Variants in MAEA observed in about 807,000 individuals in gnomAD.
MAEA encodes the protein E3 ubiquitin-protein transferase MAEA.
A neutral mutation model predicts 46.2 loss-of-function variants in MAEA; 22 were observed. The observed-to-expected ratio is 0.48, with a 90% confidence interval of 0.34 to 0.68. The LOEUF is 0.68. MAEA is among the 30% of genes least tolerant of loss of function. The probability of loss-of-function intolerance (pLI) is 0.01; values close to 1 mark genes in which losing one functional copy is unlikely to be tolerated. For missense variants in MAEA, 393 were observed against 558.1 expected, an observed-to-expected ratio of 0.70 and a Z score of 2.98; for synonymous variants, 246 against 222.6, an observed-to-expected ratio of 1.11 and a Z score of -0.94.
chr4:1,311,867 T>G lies in MAEA; in HGVS notation c.70-112T>G. 9.7e-6 allele frequency: 9 copies of G among 926,242 alleles called. No individual in the cohort carries two copies. Among genetic ancestry groups the G allele is most frequent in the Non-Finnish European group, 1.5e-5 (9 of 606,728 alleles). 57.4% of individuals were successfully genotyped at this position (926,242 alleles called of 1,614,324 possible). On this transcript the variant is annotated intron_variant, in intron 1 of 8. Coordinates refer to ENST00000303400, the MANE Select transcript of MAEA (RefSeq NM_001017405.3). The surrounding 1 kb of genome is among the most constrained non-coding windows in gnomAD (Gnocchi z 4.4). ...GATACTTTTGAGACCATGAACCTTC[T>G]GAGACTTCTGCCTCTACAAGTGCCA...
chr4:1,311,617 C>A lies in MAEA; in HGVS notation c.70-362C>A, dbSNP rs569709090. Among the ~76,000 whole-genome samples, 2 of 152,186 alleles carry A rather than the reference C, an allele frequency of 1.3e-5. No homozygotes were observed. The highest frequency in any genetic ancestry group is 2.1e-4 in the South Asian group (1 of 4,834). ...CAGCCGCAGCAGCCTGGCTGATCAC[C>A]GGCCAGGCCTGTGTTTTACCGTCTG... On this transcript the variant is annotated intron_variant, in intron 1 of 8. Transcript: ENST00000303400. This position sits in a 1 kb window ranked among gnomAD's most constrained non-coding sequence, Gnocchi z 4.4.
At chr4:1,292,490 C>T (rs1476574942) in intron 1 of MAEA, among the ~76,000 whole-genome samples, 3 of 152,144 alleles carry the variant, frequency 2.0e-5, no homozygotes, top group Non-Finnish European at 4.4e-5. Context: ...GCACCTCTGT[C>T]GTCATGAGCT....
intron 1 of MAEA, among the ~76,000 whole-genome samples, chr4:1,306,662 T>TA (rs1321356034): frequency 1.3e-5 from 2 of 152,246 alleles, no homozygotes; most frequent in African/African-American, 4.8e-5. Context: ...TTAACTTTCT[T>TA]ACATTGTTTT....
At position 1,309,844 on chromosome 4, in the gene MAEA, C is replaced by T. The variant is rs558556468; in HGVS notation, c.70-2135C>T. On this transcript the variant is annotated intron_variant, in intron 1 of 8. Transcript: ENST00000303400. Reference sequence around the variant, plus strand: ...CACACCAGCTGCCCGGAGCTCTGCCCTGTGCCTGAGCAGCGTCAGCACCGC... The same window carrying T: ...CACACCAGCTGCCCGGAGCTCTGCCTTGTGCCTGAGCAGCGTCAGCACCGC... The T allele has an allele frequency of 5.6e-5, 75 of 1,331,296 alleles. 1 individual carries two copies. The East Asian group carries it at 1.3e-3, about 24-fold the overall frequency. 82.5% of individuals were successfully genotyped at this position (1,331,296 alleles called of 1,614,324 possible).
intron 4 of MAEA, among the ~76,000 whole-genome samples, chr4:1,322,907 A>T (rs28712208): frequency 0.23 from 33,717 of 146,056 alleles, 4,727 homozygotes; most frequent in East Asian, 0.46. Context: ...GCGAGGCTGC[A>T]GAGCTCTGGG....
At chr4:1,316,338 A>G (rs927554709) in intron 3 of MAEA, among the ~76,000 whole-genome samples, 2 of 126,428 alleles carry the variant, frequency 1.6e-5, no homozygotes, top group Non-Finnish European at 3.1e-5. Flanking sequence ...GTGGGGGCCC[A>G]TGGCAGTTGG....
At chr4:1,327,024 C>G (rs1408387760) in intron 4 of MAEA, among the ~76,000 whole-genome samples, 5 of 148,976 alleles carry the variant, frequency 3.4e-5, no homozygotes, top group Admixed American at 6.6e-5. Context: ...CCTGCCTGCT[C>G]CAAGCTTGCT....
Position 1,322,437 on chromosome 4 carries a change from G to C in MAEA, c.513G>C (p.Glu171Asp). ...LTAKEVEESL[E>D]RRETATCLAW... ...CCAAAGAGGTGGAGGAGTCCCTGGA[G>C]AGGCGTGAGACGGCCACCTGCCTGG... is the stretch of plus-strand genomic sequence containing the variant. Residue 171 changes from glutamate to aspartate, a missense_variant, in exon 4 of 9, where the codon GAG becomes GAC. This residue lies in a region of MAEA where 358 missense variants were observed against 537.9 expected (regional missense o/e 0.67). Transcript: ENST00000303400. 6.2e-7 allele frequency: 1 copy of C among 1,614,104 alleles called. No individual in the cohort carries two copies. Among genetic ancestry groups the C allele is most frequent in the South Asian group, 1.1e-5 (1 of 91,090 alleles).
chr4:1,327,776 G>T (rs1739033848), intron 5 of MAEA, 73 bp downstream of exon 5: 2 of 1,375,200 alleles, frequency 1.5e-6, no homozygotes, highest in South Asian at 2.3e-5. Context: ...AGCCCTCCCT[G>T]TCGTGGTCTG....
At chr4:1,332,906 G>C in intron 6 of MAEA, 41 bp downstream of exon 6, 2 of 1,493,714 alleles carry the variant, frequency 1.3e-6, no homozygotes, top group South Asian at 2.4e-5. Context: ...TGCTGGGGTG[G>C]GGATCCAGGG....
chr4:1,305,679 G>A (rs1050919005), intron 1 of MAEA, among the ~76,000 whole-genome samples: 1 of 152,186 alleles, frequency 6.6e-6, no homozygotes, highest in Non-Finnish European at 1.5e-5. Flanking sequence ...TCTGGGTGCC[G>A]GGGTTCTCCA....
rs983064777 is a variant in MAEA, at chr4:1,325,068, G to A, written c.580-2559G>A. 3.3e-5 allele frequency among the ~76,000 whole-genome samples: 5 copies of A among 152,322 alleles called. No homozygotes were observed. The East Asian group carries it at 9.6e-4, about 29-fold the overall frequency. On this transcript the variant is annotated intron_variant, in intron 4 of 8. Transcript: ENST00000303400. ...CCCGGTACGAGATGCGGCCGAGCCA[G>A]TTGGGGTACACGGCTGTCTGTGCAG... is the stretch of plus-strand genomic sequence containing the variant.
intron 1 of MAEA, among the ~76,000 whole-genome samples, chr4:1,297,186 G>T (rs559795321): frequency 1.3e-5 from 2 of 152,246 alleles, no homozygotes; most frequent in Admixed American, 1.3e-4. Flanking sequence ...AGTTGACAGC[G>T]ATGTCCCCCG....
chr4:1,294,792 G>A (rs1190070201), intron 1 of MAEA, among the ~76,000 whole-genome samples: 1 of 149,584 alleles, frequency 6.7e-6, no homozygotes, highest in Non-Finnish European at 1.5e-5. Flanking sequence ...ACAGTGGCAG[G>A]GGACGGGGGT....
At chr4:1,336,657 GT>G (rs1381954207) in intron 6 of MAEA, among the ~76,000 whole-genome samples, 5 of 152,240 alleles carry the variant, frequency 3.3e-5, no homozygotes, top group Non-Finnish European at 7.3e-5. Context: ...TGAAATCATA[GT>G]TAAGTCAGCA....
rs1417638712 is a variant in MAEA at position 1,311,525 on chromosome 4, C to A, written c.70-454C>A. Among the ~76,000 whole-genome samples the A allele has an allele frequency of 6.6e-6, 1 of 152,148 alleles. No homozygotes were observed. Among genetic ancestry groups the A allele is most frequent in the African/African-American group, 2.4e-5 (1 of 41,420 alleles). On this transcript the variant is annotated intron_variant, in intron 1 of 8. Coordinates refer to ENST00000303400, the MANE Select transcript of MAEA (RefSeq NM_001017405.3). This position sits in a 1 kb window ranked among gnomAD's most constrained non-coding sequence, Gnocchi z 4.4. Reference sequence around the variant, plus strand: ...TGAGGCTTGCTGTGCCCAACCCCAGCCCGTGTGGAGCCCACGCCCCATGCA... The same window carrying A: ...TGAGGCTTGCTGTGCCCAACCCCAGACCGTGTGGAGCCCACGCCCCATGCA...
chr4:1,318,920 G>C (rs1345332722), intron 3 of MAEA, among the ~76,000 whole-genome samples: 1 of 152,078 alleles, frequency 6.6e-6, no homozygotes, highest in Non-Finnish European at 1.5e-5. Flanking sequence ...GCCAAGGGAA[G>C]GCCACCCAGG....
At chr4:1,329,181 A>G in intron 5 of MAEA, 1 of 985,720 alleles carries the variant, frequency 1.0e-6, no homozygotes, top group Non-Finnish European at 1.2e-6. Flanking sequence ...CTGGTTCCGC[A>G]TAGGGTCTGT....
chr4:1,303,592 C>T (rs56758128), intron 1 of MAEA, among the ~76,000 whole-genome samples: 23,270 of 151,818 alleles, frequency 0.15, 3,419 homozygotes, highest in East Asian at 0.41. Context: ...TACAAAAGTC[C>T]ACATCACGTG....
Sources: gnomAD v4.1 joint callset for allele counts (sites outside exome capture counted in the v4.1 genomes callset) on GRCh38, gnomAD v4.1.1 for gene constraint, gnomAD v4.1.1 regional missense constraint, Gnocchi (gnomAD v3.1) non-coding constraint, MANE v1.5 for transcripts, NCBI Gene and HGNC (gene_info 2026-07-23, HGNC 2026-07-21) for gene names.